The following FAM184B variants were observed in gnomAD, a reference collection of about 807,000 sequenced individuals.
FAM184B encodes protein FAM184B.
A neutral mutation model predicts 135.9 loss-of-function variants in FAM184B; 111 were observed. The ratio of observed to expected loss-of-function variants is 0.82; its 90% CI spans 0.70 to 0.96. FAM184B has a LOEUF of 0.96. Ranked by LOEUF, FAM184B falls within the 40% of genes least tolerant of loss-of-function variation. FAM184B has a pLI of 0.00. For missense variants in FAM184B, 1,375 were observed against 1,323.9 expected (o/e 1.04, Z -0.60); for synonymous variants, 552 against 524.8 (o/e 1.05, Z -0.71).
At chr4:17,684,859 A>T (rs541795612) in intron 7 of FAM184B, among the ~76,000 whole-genome samples, 5 of 152,320 alleles carry the variant, frequency 3.3e-5, no homozygotes, top group African/African-American at 1.2e-4. Flanking sequence ...AATACTATGC[A>T]GCCATAAAAA....
chr4:17,704,739 A>G (rs1366217451), intron 5 of FAM184B, among the ~76,000 whole-genome samples: 1 of 152,168 alleles, frequency 6.6e-6, no homozygotes, highest in Non-Finnish European at 1.5e-5. Context: ...ATTCCACCCC[A>G]TGTCAATGAC....
rs763185151 is a variant in FAM184B, at chr4:17,633,899, T to G, written c.2890-11A>C. The G allele has an allele frequency of 3.9e-6, 6 of 1,538,376 alleles. No individual in the cohort carries two copies. The highest frequency in any genetic ancestry group is 1.8e-6 in the Non-Finnish European group (2 of 1,141,384). On this transcript the variant is annotated splice_polypyrimidine_tract_variant and intron_variant, in intron 16 of 17. Coordinates refer to ENST00000265018, the MANE Select transcript of FAM184B (RefSeq NM_015688.2). ...CTCCACCTTCTTTTTCTGTTTGTAT[T>G]AATGGACAGGTTAGTGCAATGCAAT... is the stretch of plus-strand genomic sequence containing the variant.
rs750228481 is a variant in FAM184B, at chr4:17,720,541, G to A, written c.142-10897C>T. On this transcript the variant is annotated intron_variant, in intron 1 of 17. Transcript: ENST00000265018. The stretch of plus-strand genomic sequence containing the variant: ...TTGGAGCCCCTGTACATTGCTGGTG[G>A]GAATGTAAAATGGTGTAGCCACTGT... Among the ~76,000 whole-genome samples the A allele has an allele frequency of 9.0e-4, 137 of 152,228 alleles. No individual in the cohort carries two copies. In the Middle Eastern group the frequency reaches 0.014, roughly 15 times the overall value.
intron 1 of FAM184B, among the ~76,000 whole-genome samples, chr4:17,746,656 C>T (rs1224572944): frequency 1.3e-5 from 2 of 150,188 alleles, no homozygotes; most frequent in Admixed American, 6.6e-5. Flanking sequence ...GGTGTGGACT[C>T]GGGAGGTGGA....
chr4:17,730,840 A>G (rs1478370439), intron 1 of FAM184B, among the ~76,000 whole-genome samples: 1 of 152,188 alleles, frequency 6.6e-6, no homozygotes, highest in East Asian at 1.9e-4. Context: ...AAACTTTGAA[A>G]AAAAATTAGA....
At chr4:17,734,708 T>C (rs1717867257) in intron 1 of FAM184B, among the ~76,000 whole-genome samples, 2 of 148,948 alleles carry the variant, frequency 1.3e-5, no homozygotes, top group African/African-American at 5.0e-5. Context: ...TGTGGAGAAA[T>C]AGGAACACTT....
At chr4:17,765,347 C>T (rs115614489) in intron 1 of FAM184B, among the ~76,000 whole-genome samples, 36 of 152,124 alleles carry the variant, frequency 2.4e-4, no homozygotes, top group Non-Finnish European at 4.1e-4. Flanking sequence ...AGGAATCTAC[C>T]TCAAGGAAAC....
chr4:17,643,015 C>T (rs868784515), intron 12 of FAM184B, among the ~76,000 whole-genome samples: 1 of 152,250 alleles, frequency 6.6e-6, no homozygotes, highest in Non-Finnish European at 1.5e-5. Flanking sequence ...GGCCCCATGT[C>T]TCTGCCTTCC....
intron 1 of FAM184B, among the ~76,000 whole-genome samples, chr4:17,726,921 A>T (rs146168174): frequency 9.2e-5 from 14 of 152,258 alleles, no homozygotes; most frequent in Non-Finnish European, 1.8e-4. Context: ...GGCCAATGGG[A>T]TAGAATATTC....
chr4:17,641,924 G>A (rs910168275), intron 13 of FAM184B, 132 bp downstream of exon 13: 17 of 1,326,382 alleles, frequency 1.3e-5, no homozygotes, highest in South Asian at 1.5e-5. Context: ...AGTGTCTAGT[G>A]TCTTGTGGGG....
chr4:17,658,463 G>C lies in FAM184B; in HGVS notation c.1924C>G (p.Gln642Glu), dbSNP rs769302150. Residue 642 changes from glutamine to glutamate, a missense_variant, in exon 10 of 18, where the codon CAG becomes GAG. Gln to Glu is a conservative substitution (Grantham distance 29). Coordinates refer to ENST00000265018, the MANE Select transcript of FAM184B (RefSeq NM_015688.2). ...QLSDLEREKL[Q>E]RELQETTQQN... Reference sequence around the variant, plus strand: ...TGAGTGGTCTCCTGGAGCTCACGCTGCAGCTTCTCCCTCTCCAGGTCCGAG... The same window carrying C: ...TGAGTGGTCTCCTGGAGCTCACGCTCCAGCTTCTCCCTCTCCAGGTCCGAG... 2 of 1,551,556 alleles carry C rather than the reference G, an allele frequency of 1.3e-6. No individual in the cohort carries two copies. The highest frequency in any genetic ancestry group is 1.7e-6 in the Non-Finnish European group (2 of 1,146,938).
chr4:17,706,217 A>C (rs1717115723), intron 3 of FAM184B, among the ~76,000 whole-genome samples: 1 of 152,242 alleles, frequency 6.6e-6, no homozygotes, highest in Non-Finnish European at 1.5e-5. Context: ...AGGATGAAAC[A>C]AAAACCAATA....
intron 9 of FAM184B, among the ~76,000 whole-genome samples, 164 bp from the exon 10 acceptor site, chr4:17,658,726 C>T (rs1339910129): frequency 6.6e-6 from 1 of 152,190 alleles, no homozygotes; most frequent in African/African-American, 2.4e-5. Flanking sequence ...CTGGGGGTGG[C>T]CAGTCCTTCC....
intron 1 of FAM184B, among the ~76,000 whole-genome samples, chr4:17,758,112 C>T (rs1382236730): frequency 6.6e-6 from 1 of 152,146 alleles, no homozygotes; most frequent in Non-Finnish European, 1.5e-5. Context: ...CTCAGAGAAG[C>T]CTCTAAGGTT....
intron 2 of FAM184B, among the ~76,000 whole-genome samples, chr4:17,708,021 C>T (rs553189686): frequency 6.6e-6 from 1 of 152,206 alleles, no homozygotes; most frequent in South Asian, 2.1e-4. Flanking sequence ...GTTAGAAATA[C>T]TAACTGCTGC....
intron 13 of FAM184B, among the ~76,000 whole-genome samples, chr4:17,640,643 G>A (rs1715284594): frequency 6.6e-6 from 1 of 152,094 alleles, no homozygotes; most frequent in South Asian, 2.1e-4. Context: ...TTTATGATTG[G>A]CATTAGGACA....
chr4:17,759,920 T>C (rs1026226504), intron 1 of FAM184B, among the ~76,000 whole-genome samples: 27 of 152,316 alleles, frequency 1.8e-4, no homozygotes, highest in East Asian at 5.8e-4. Context: ...CCGGTTTCAA[T>C]AGTCATCAGA....
intron 1 of FAM184B, among the ~76,000 whole-genome samples, chr4:17,713,900 G>C (rs1436726003): frequency 2.0e-5 from 3 of 152,146 alleles, no homozygotes; most frequent in Non-Finnish European, 4.4e-5. Context: ...CAAGAAAATG[G>C]AAAGTTTCAA....
intron 5 of FAM184B, among the ~76,000 whole-genome samples, chr4:17,703,606 A>T (rs905853940): frequency 1.3e-5 from 2 of 152,156 alleles, no homozygotes; most frequent in South Asian, 4.1e-4. Context: ...AATTTACATA[A>T]TAAGCCCTTG....
Sources: allele counts gnomAD v4.1 joint callset (sites outside exome capture counted in the v4.1 genomes callset), GRCh38; gene constraint gnomAD v4.1.1; transcripts MANE v1.5; gene names NCBI Gene and HGNC (gene_info 2026-07-23, HGNC 2026-07-21).